The following HSBP1 variants were observed in gnomAD, a reference collection of about 807,000 sequenced individuals.
The protein encoded by HSBP1 is heat shock factor-binding protein 1.
In HSBP1, 5 loss-of-function variants were observed where a neutral mutation model predicts 9.6. The ratio of observed to expected loss-of-function variants is 0.52; its 90% CI spans 0.27 to 1.09. The LOEUF (loss-of-function observed/expected upper bound fraction) is 1.09, where lower values mean the gene tolerates loss of function less well. HSBP1 is among the 50% of genes least tolerant of loss of function. The pLI, the probability that HSBP1 is intolerant of heterozygous loss-of-function variation, is 0.11. For missense variants in HSBP1, 121 were observed against 96.3 expected, an observed-to-expected ratio of 1.26 and a Z score of -1.07; for synonymous variants, 42 against 33.3, an observed-to-expected ratio of 1.26 and a Z score of -0.90.
In HSBP1 at chr16:83,808,545, A is replaced by G. The variant is rs533272926; in HGVS notation, c.46-135A>G. ...GAAAACGGAAGCCCAGAGAAGGAAGATCTTGCTGAAGGCCGCACAGCTGTC... is the reference window on the plus strand; with the variant it reads ...GAAAACGGAAGCCCAGAGAAGGAAGGTCTTGCTGAAGGCCGCACAGCTGTC... On this transcript the variant is annotated intron_variant, in intron 1 of 3. Coordinates refer to ENST00000433866, the MANE Select transcript of HSBP1 (RefSeq NM_001537.4). The G allele has an allele frequency of 1.2e-4, 80 of 642,784 alleles. No homozygotes were observed. The African/African-American group carries it at 1.4e-3, about 12-fold the overall frequency. The allele number at this position is 642,784 out of a possible 1,614,324, so 39.8% of individuals were successfully genotyped here.
At chr16:83,808,162 G>C (rs1597253845) in intron 1 of HSBP1, 41 bp downstream of exon 1, 4 of 1,515,690 alleles carry the variant, frequency 2.6e-6, no homozygotes, top group African/African-American at 1.4e-5. Flanking sequence ...CGGCCTTCCC[G>C]GGCGGCGCCG....
At chr16:83,808,969 T>G (rs1196753871) in intron 2 of HSBP1, among the ~76,000 whole-genome samples, 1 of 152,242 alleles carries the variant, frequency 6.6e-6, no homozygotes, top group Non-Finnish European at 1.5e-5. Context: ...TCCTAATAGC[T>G]GGTGTGGTGG....
rs42762 is a variant in HSBP1, at chr16:83,816,311, G to A, written c.*4893G>A. On this transcript the variant is annotated 3_prime_UTR_variant, in exon 4 of 4. Coordinates refer to ENST00000433866, the MANE Select transcript of HSBP1 (RefSeq NM_001537.4). ...GTTGCTCGGGAGGCTGAGGGAGGAG[G>A]ATCGCTTGAACTCAGGAGGTGGAAG... is the stretch of plus-strand genomic sequence containing the variant. 0.79 allele frequency: 119,412 copies of A among 151,890 alleles called. 47,742 individuals are homozygous for A. The highest frequency in any genetic ancestry group is 0.83 in the Non-Finnish European group (56,482 of 67,960). 9.4% of individuals were successfully genotyped at this position (151,890 alleles called of 1,614,324 possible). A position where few individuals can be genotyped will look rare whatever the true frequency, so the allele number is the denominator to read the frequency against.
chr16:83,809,594 C>A lies in HSBP1; in HGVS notation c.*2+169C>A, dbSNP rs567830817. On this transcript the variant is annotated intron_variant, in intron 3 of 3. Coordinates refer to ENST00000433866, the MANE Select transcript of HSBP1 (RefSeq NM_001537.4). ...AAACGATTGTCCTGCCTCAGCCTCC[C>A]GAGTAGCTGGGATTACAGGCTTGTG... is the stretch of plus-strand genomic sequence containing the variant. Among the ~76,000 whole-genome samples, 11 of 151,492 alleles carry A rather than the reference C, an allele frequency of 7.3e-5. No homozygotes were observed. The East Asian group carries it at 1.9e-3, about 27-fold the overall frequency.
chr16:83,808,748 T>G lies in HSBP1; in HGVS notation c.112+2T>G. 1 of 1,605,788 alleles carries G rather than the reference T, an allele frequency of 6.2e-7. No homozygotes were observed. Among genetic ancestry groups the G allele is most frequent in the East Asian group, 2.2e-5 (1 of 44,648 alleles). On this transcript the variant is annotated splice_donor_variant, in intron 2 of 3. Coordinates refer to ENST00000433866, the MANE Select transcript of HSBP1 (RefSeq NM_001537.4). LOFTEE classifies it high-confidence loss of function. ...TGTCTGACCAGATCATTGGGAGAAA[T>G]ATCCTTTTTATCTGCAGTCGGCCTC...
intron 3 of HSBP1, among the ~76,000 whole-genome samples, chr16:83,809,669 A>G (rs942386550): frequency 2.0e-5 from 3 of 151,778 alleles, no homozygotes; most frequent in African/African-American, 7.3e-5. Context: ...GGGTTTCTCC[A>G]TGTTGGTCAT....
chr16:83,818,139 C>T lies in HSBP1; in HGVS notation c.*6721C>T, dbSNP rs549232626. ...GGCACTGGGTCTGTGAGCCCTCATC[C>T]CCAGGGCTCGGTTTCCTATCAGAAT... On this transcript the variant is annotated 3_prime_UTR_variant, in exon 4 of 4. Coordinates refer to ENST00000433866, the MANE Select transcript of HSBP1 (RefSeq NM_001537.4). 1.3e-5 allele frequency: 2 copies of T among 152,156 alleles called. No individual in the cohort carries two copies. The highest frequency in any genetic ancestry group is 2.9e-5 in the Non-Finnish European group (2 of 68,026). The allele number at this position is 152,156 out of a possible 1,614,324, so 9.4% of individuals were successfully genotyped here. A position where few individuals can be genotyped will look rare whatever the true frequency, so the allele number is the denominator to read the frequency against.
Position 83,813,092 on chromosome 16 carries a change from A to C in HSBP1, c.*1674A>C, listed in dbSNP as rs897588779. On this transcript the variant is annotated 3_prime_UTR_variant, in exon 4 of 4. Transcript: ENST00000433866. ...AAAACCTCTGGACGGATTAAGTACAAGTAGCCCAAGGCAAAGCAGGAGAGG... is the reference window on the plus strand; with the variant it reads ...AAAACCTCTGGACGGATTAAGTACACGTAGCCCAAGGCAAAGCAGGAGAGG... 6.6e-6 allele frequency: 1 copy of C among 152,110 alleles called. No homozygotes were observed. The highest frequency in any genetic ancestry group is 1.5e-5 in the Non-Finnish European group (1 of 68,070). 9.4% of individuals were successfully genotyped at this position (152,110 alleles called of 1,614,324 possible).
rs1904720574 is a variant in HSBP1 at position 83,816,341 on chromosome 16, A to G, written c.*4923A>G. On this transcript the variant is annotated 3_prime_UTR_variant, in exon 4 of 4. Transcript: ENST00000433866. ...CTTGAACTCAGGAGGTGGAAGTTGC[A>G]GTGAGCCGAGATCGTGCCACTGCAC... is the stretch of plus-strand genomic sequence containing the variant. 1 of 152,216 alleles carries G rather than the reference A, an allele frequency of 6.6e-6. No individual in the cohort carries two copies. Among genetic ancestry groups the G allele is most frequent in the Non-Finnish European group, 1.5e-5 (1 of 68,048 alleles). The allele number at this position is 152,216 out of a possible 1,614,324, so 9.4% of individuals were successfully genotyped here.
In HSBP1 at chr16:83,816,529, T is replaced by A. The variant is rs972435396; in HGVS notation, c.*5111T>A. The stretch of plus-strand genomic sequence containing the variant: ...GTCTCCTAAGAGTGAAGAAAATGTT[T>A]CTTTGAAGGTGTTTCCACCCCACTC... On this transcript the variant is annotated 3_prime_UTR_variant, in exon 4 of 4. Transcript: ENST00000433866. 2.6e-5 allele frequency: 4 copies of A among 152,238 alleles called. No individual in the cohort carries two copies. The highest frequency in any genetic ancestry group is 2.0e-4 in the Admixed American group (3 of 15,290). 9.4% of individuals were successfully genotyped at this position (152,238 alleles called of 1,614,324 possible).
In HSBP1 at chr16:83,818,064, G is replaced by C. The variant is rs995240474; in HGVS notation, c.*6646G>C. 5 of 152,190 alleles carry C rather than the reference G, an allele frequency of 3.3e-5. No homozygotes were observed. Among genetic ancestry groups the C allele is most frequent in the Non-Finnish European group, 7.3e-5 (5 of 68,034 alleles). 9.4% of individuals were successfully genotyped at this position (152,190 alleles called of 1,614,324 possible). On this transcript the variant is annotated 3_prime_UTR_variant, in exon 4 of 4. Transcript: ENST00000433866. ...ATGTTTTGAAAGCCATCTGTCAAAA[G>C]TACGCAGTCTTGCTTGTAGAATTTT...
chr16:83,808,692 C>T lies in HSBP1; in HGVS notation c.58C>T (p.Leu20=), dbSNP rs1459641411. ...CGGTTTTTCTTAGGTGCAGACACTC[C>T]TGCAGCAGATGCAAGATAAATTTCA... ...QDLTSVVQTL[L]QQMQDKFQTM... Residue 20 remains leucine (L), a synonymous_variant, in exon 2 of 4, where the codon CTG becomes TTG. Transcript: ENST00000433866. The T allele has an allele frequency of 6.2e-7, 1 of 1,612,568 alleles. No homozygotes were observed. The highest frequency in any genetic ancestry group is 8.5e-7 in the Non-Finnish European group (1 of 1,178,828).
intron 2 of HSBP1, chr16:83,808,984 T>G (rs1428008357): frequency 5.3e-6 from 3 of 566,804 alleles, no homozygotes; most frequent in Middle Eastern, 9.3e-4. Flanking sequence ...TGGTGGACCA[T>G]GCACTGTGAA....
At chr16:83,810,216 ACATTAAGCTTTTACCCTGGAG>A (rs1415501233) in intron 3 of HSBP1, among the ~76,000 whole-genome samples, 1 of 151,952 alleles carries the variant, frequency 6.6e-6, no homozygotes, top group African/African-American at 2.4e-5. Context: ...GATTGTGGCC[ACATTAAGCTTTTACCCTGGAG>A]TTCATTTAAA....
Position 83,816,963 on chromosome 16 carries a change from A to G in HSBP1, c.*5545A>G, listed in dbSNP as rs960370033. On this transcript the variant is annotated 3_prime_UTR_variant, in exon 4 of 4. Transcript: ENST00000433866. Reference sequence around the variant, plus strand: ...TAGATGTAACTTCTAGATTATAAACACTGGTAACACTGGAGATGGTTAAAT... The same window carrying G: ...TAGATGTAACTTCTAGATTATAAACGCTGGTAACACTGGAGATGGTTAAAT... 6.6e-6 allele frequency: 1 copy of G among 152,190 alleles called. No individual in the cohort carries two copies. Among genetic ancestry groups the G allele is most frequent in the Non-Finnish European group, 1.5e-5 (1 of 68,036 alleles). 9.4% of individuals were successfully genotyped at this position (152,190 alleles called of 1,614,324 possible).
At chr16:83,808,878 T>C (rs536687397) in intron 2 of HSBP1, 132 bp downstream of exon 2, 1 of 701,424 alleles carries the variant, frequency 1.4e-6, no homozygotes, top group African/African-American at 1.8e-5. Context: ...TGGATTGTAC[T>C]GTGTTTCTGA....
chr16:83,808,834 C>G lies in HSBP1; in HGVS notation c.112+88C>G. ...TGGGGATAAATGAGTAGTTTTCAGG[C>G]TAGCTTCAGCCATTCACTTGTAGAA... On this transcript the variant is annotated intron_variant, in intron 2 of 3. Coordinates refer to ENST00000433866, the MANE Select transcript of HSBP1 (RefSeq NM_001537.4). 5.5e-6 allele frequency: 5 copies of G among 906,858 alleles called. No homozygotes were observed. The South Asian group carries it at 6.0e-5, about 11-fold the overall frequency. 56.2% of individuals were successfully genotyped at this position (906,858 alleles called of 1,614,324 possible).
At chr16:83,809,462 C>CTTTTTTTTTTTTTTTTTTTTTTT (rs34576085) in intron 3 of HSBP1, 37 bp downstream of exon 3, 1 of 353,818 alleles carries the variant, frequency 2.8e-6, no homozygotes, top group Non-Finnish European at 4.6e-6. Context: ...CTTTTCTTTT[C>CTTTTTTTTTTTTTTTTTTTTTTT]TTTTTTTTTT....
chr16:83,808,793 A>G (rs1350438830), intron 2 of HSBP1, 47 bp downstream of exon 2: 2 of 1,427,786 alleles, frequency 1.4e-6, no homozygotes, highest in Non-Finnish European at 9.8e-7. Flanking sequence ...TTTGGAGCCT[A>G]TTTGCCGGGC....
Sources: allele counts gnomAD v4.1 joint callset (sites outside exome capture counted in the v4.1 genomes callset), GRCh38; gene constraint gnomAD v4.1.1; transcripts MANE v1.5; gene names NCBI Gene and HGNC (gene_info 2026-07-23, HGNC 2026-07-21).